PRKN: variants seen among roughly 807,000 people sequenced by gnomAD.
PRKN encodes the protein E3 ubiquitin-protein ligase parkin.
Under a neutral mutation model 59.5 loss-of-function variants are expected in PRKN, and 56 were observed. That is an observed-to-expected ratio of 0.94 (90% CI 0.76 to 1.18). PRKN has a LOEUF of 1.18. Among genes scored for constraint, PRKN ranks in the 50% most tolerant of loss-of-function variants. The pLI, the probability that PRKN is intolerant of heterozygous loss-of-function variation, is 0.00. For missense variants in PRKN, 657 were observed against 596.4 expected, an observed-to-expected ratio of 1.10 and a Z score of -1.06; for synonymous variants, 250 against 222.1, an observed-to-expected ratio of 1.13 and a Z score of -1.12.
chr6:162,171,555 A>G (rs143192082), intron 4 of PRKN, among the ~76,000 whole-genome samples: 1,913 of 152,210 alleles, frequency 0.013, 17 homozygotes, highest in Non-Finnish European at 0.019. Context: ...TAATATATGC[A>G]ATGCTGAGAA....
chr6:161,773,522 A>T (rs1172681859), intron 7 of PRKN, among the ~76,000 whole-genome samples: 1 of 145,624 alleles, frequency 6.9e-6, no homozygotes, highest in Non-Finnish European at 1.5e-5. Flanking sequence ...GCACATACAC[A>T]CTACACAAAC....
chr6:162,011,324 T>C (rs1364863879), intron 5 of PRKN, among the ~76,000 whole-genome samples: 1 of 31,668 alleles, frequency 3.2e-5, no homozygotes, highest in African/African-American at 1.5e-4. Context: ...ATTTTTATAA[T>C]ATATATAATA....
At chr6:161,901,900 C>T (rs1366636474) in intron 6 of PRKN, among the ~76,000 whole-genome samples, 2 of 152,112 alleles carry the variant, frequency 1.3e-5, no homozygotes, top group Non-Finnish European at 2.9e-5. Context: ...GCTTGGGCTG[C>T]GAGGTGCAAG....
chr6:162,430,062 C>A (rs2128162660), intron 2 of PRKN, among the ~76,000 whole-genome samples: 1 of 152,178 alleles, frequency 6.6e-6, no homozygotes, highest in Admixed American at 6.5e-5. Context: ...CACTTAATTC[C>A]CAGCTTATGA....
intron 6 of PRKN, among the ~76,000 whole-genome samples, chr6:161,809,956 T>G (rs1791494347): frequency 6.6e-6 from 1 of 152,262 alleles, no homozygotes; most frequent in South Asian, 2.1e-4. Flanking sequence ...TTTAAAAATG[T>G]GTTTAATAAA....
chr6:161,366,899 A>T (rs1478752553), intron 10 of PRKN, among the ~76,000 whole-genome samples: 1 of 151,484 alleles, frequency 6.6e-6, no homozygotes, highest in East Asian at 1.9e-4. Context: ...CCAATTTACG[A>T]ATCGCTTTTT....
At chr6:162,068,181 G>T (rs886985036) in intron 4 of PRKN, among the ~76,000 whole-genome samples, 2 of 152,046 alleles carry the variant, frequency 1.3e-5, no homozygotes, top group Non-Finnish European at 1.5e-5. Context: ...TACTCCTTTG[G>T]CCTCTTTGCT....
intron 9 of PRKN, among the ~76,000 whole-genome samples, chr6:161,472,834 G>A (rs1480168955): frequency 3.9e-5 from 6 of 151,992 alleles, no homozygotes; most frequent in African/African-American, 7.3e-5. Context: ...ATTAAAAAAC[G>A]GACAAAGAGC....
chr6:162,343,346 C>T (rs1784269980), intron 2 of PRKN, among the ~76,000 whole-genome samples: 1 of 152,190 alleles, frequency 6.6e-6, no homozygotes, highest in Non-Finnish European at 1.5e-5. Flanking sequence ...CCCTTTCTGG[C>T]TTTGCAGAAG....
chr6:162,228,368 C>G (rs908366245), intron 3 of PRKN, among the ~76,000 whole-genome samples: 21 of 152,310 alleles, frequency 1.4e-4, no homozygotes, highest in African/African-American at 4.3e-4. Flanking sequence ...CCCGATGTTA[C>G]AGTTGGTCAA....
chr6:161,815,452 TC>T (rs1487557934), intron 6 of PRKN, among the ~76,000 whole-genome samples: 3 of 152,226 alleles, frequency 2.0e-5, no homozygotes, highest in Non-Finnish European at 2.9e-5. Context: ...TTAACGCAGA[TC>T]CTAATATCCA....
chr6:161,515,751 T>C (rs1265075302), intron 9 of PRKN, among the ~76,000 whole-genome samples: 2 of 152,230 alleles, frequency 1.3e-5, no homozygotes, highest in African/African-American at 2.4e-5. Context: ...TCCAGTGGGT[T>C]AGCTTTCACC....
At chr6:162,306,064 A>G (rs1782207121) in intron 2 of PRKN, among the ~76,000 whole-genome samples, 1 of 152,154 alleles carries the variant, frequency 6.6e-6, no homozygotes, top group Non-Finnish European at 1.5e-5. Flanking sequence ...GGTTATTTCT[A>G]TTATTTTTTA....
intron 6 of PRKN, among the ~76,000 whole-genome samples, chr6:161,836,098 C>T (rs1046360927): frequency 6.6e-6 from 1 of 152,064 alleles, no homozygotes; most frequent in Non-Finnish European, 1.5e-5. Flanking sequence ...CTTGGTGGCC[C>T]TCTGGTTTGT....
At chr6:162,619,362 G>C (rs1289342234) in intron 1 of PRKN, among the ~76,000 whole-genome samples, 1 of 150,734 alleles carries the variant, frequency 6.6e-6, no homozygotes, top group African/African-American at 2.4e-5. Flanking sequence ...TGGCTAGGAC[G>C]GTCTCCATCT....
At chr6:162,619,316 A>ATT (rs11436212) in intron 1 of PRKN, among the ~76,000 whole-genome samples, 10,162 of 147,620 alleles carry the variant, frequency 0.069, 489 homozygotes, top group South Asian at 0.15. Flanking sequence ...CTAATTTTTA[A>ATT]TTTTTTTTTT....
chr6:161,527,434 A>G lies in PRKN; in HGVS notation c.1083+21420T>C, dbSNP rs1779054536. Reference sequence around the variant, plus strand: ...TATAAGGCCAGAAGGGCTGGGAAACAGGGCATTTCCCTCCCTGAACCTTAC... The same window carrying G: ...TATAAGGCCAGAAGGGCTGGGAAACGGGGCATTTCCCTCCCTGAACCTTAC... On this transcript the variant is annotated intron_variant, in intron 9 of 11. Transcript: ENST00000366898. This position sits in a 1 kb window ranked among gnomAD's most constrained non-coding sequence, Gnocchi z 4.6. 6.6e-6 allele frequency among the ~76,000 whole-genome samples: 1 copy of G among 152,180 alleles called. No individual in the cohort carries two copies. Among genetic ancestry groups the G allele is most frequent in the South Asian group, 2.1e-4 (1 of 4,832 alleles).
intron 6 of PRKN, among the ~76,000 whole-genome samples, chr6:161,791,447 C>T (rs1189287353): frequency 6.6e-6 from 1 of 152,206 alleles, no homozygotes; most frequent in Non-Finnish European, 1.5e-5. Context: ...GTGCAATTTA[C>T]TCTGCTGTCC....
chr6:162,516,165 G>A (rs960854590), intron 1 of PRKN, among the ~76,000 whole-genome samples: 2 of 152,164 alleles, frequency 1.3e-5, no homozygotes, highest in Admixed American at 6.5e-5. Context: ...GCTGATGACT[G>A]AATTCATCTT....
Sources: gnomAD v4.1 joint callset for allele counts (sites outside exome capture counted in the v4.1 genomes callset) on GRCh38, gnomAD v4.1.1 for gene constraint, Gnocchi (gnomAD v3.1) non-coding constraint, MANE v1.5 for transcripts, NCBI Gene and HGNC (gene_info 2026-07-23, HGNC 2026-07-21) for gene names.